Variants in RADIL observed in about 807,000 individuals in gnomAD.
RADIL encodes Rap associating with DIL domain.
A neutral mutation model predicts 97.6 loss-of-function variants in RADIL; 99 were observed. That is an observed-to-expected ratio of 1.01 (90% confidence interval 0.86 to 1.20). The LOEUF is 1.20. RADIL is among the 50% of genes most tolerant of loss of function. The pLI is 0.00. For missense variants in RADIL, 1,765 were observed against 1,498.9 expected, an observed-to-expected ratio of 1.18 and a Z score of -2.93; for synonymous variants, 803 against 691.8, an observed-to-expected ratio of 1.16 and a Z score of -2.52.
chr7:4,822,046 C>T lies in RADIL; in HGVS notation c.1615+348G>A, dbSNP rs1782847701. 6.6e-6 allele frequency among the ~76,000 whole-genome samples: 1 copy of T among 152,106 alleles called. No homozygotes were observed. The highest frequency in any genetic ancestry group is 1.9e-4 in the East Asian group (1 of 5,168). On this transcript the variant is annotated intron_variant, in intron 6 of 14. Coordinates refer to ENST00000399583, the MANE Select transcript of RADIL (RefSeq NM_018059.5). This position sits in a 1 kb window ranked among gnomAD's most constrained non-coding sequence, Gnocchi z 5.3. ...CCTTACATTTGGTTCACGGTGGCAT[C>T]TGTGTCTCCCCTACTGAGTGATCTG...
At chr7:4,800,392 T>A in intron 12 of RADIL, 82 bp from the exon 13 acceptor site, 3 of 1,351,918 alleles carry the variant, frequency 2.2e-6, no homozygotes, top group Non-Finnish European at 2.9e-6. Context: ...CCTGGCTGCC[T>A]CTGTAGGGCG....
At chr7:4,882,311 C>T (rs1237412892) in intron 1 of RADIL, 1 of 152,240 alleles carries the variant, frequency 6.6e-6, no homozygotes, top group Non-Finnish European at 1.5e-5. Flanking sequence ...GCGGAGCACG[C>T]CCTGGGTAAC....
chr7:4,861,742 G>C (rs748410274), intron 2 of RADIL: 3 of 1,513,770 alleles, frequency 2.0e-6, no homozygotes, highest in Non-Finnish European at 2.6e-6. Flanking sequence ...TAGGCGAGGA[G>C]ACGCCGTAGC....
At position 4,834,435 on chromosome 7, in the gene RADIL, G is replaced by A. The variant is rs1783234668; in HGVS notation, c.1416+172C>T. Among the ~76,000 whole-genome samples the A allele has an allele frequency of 6.6e-6, 1 of 152,168 alleles. No homozygotes were observed. ...TTGGGTTCTGGGGCTGCTTCTGGTG[G>A]CCTGTGGGGCTGGGGGGCAGCGACA... On this transcript the variant is annotated intron_variant, in intron 4 of 14. Coordinates refer to ENST00000399583, the MANE Select transcript of RADIL (RefSeq NM_018059.5). This position sits in a 1 kb window ranked among gnomAD's most constrained non-coding sequence, Gnocchi z 6.0.
chr7:4,844,369 C>G (rs1006050801), intron 2 of RADIL, among the ~76,000 whole-genome samples: 1 of 151,236 alleles, frequency 6.6e-6, no homozygotes, highest in Non-Finnish European at 1.5e-5. Flanking sequence ...TGCTTGAACC[C>G]GAGAGGCAGA....
intron 9 of RADIL, among the ~76,000 whole-genome samples, chr7:4,810,433 T>G (rs1782507944): frequency 6.6e-6 from 1 of 152,210 alleles, no homozygotes; most frequent in South Asian, 2.1e-4. Flanking sequence ...CCTCCCAAAG[T>G]GCCCAGCCGA....
chr7:4,839,111 C>A (rs977101525), intron 2 of RADIL, among the ~76,000 whole-genome samples: 2 of 152,222 alleles, frequency 1.3e-5, no homozygotes, highest in African/African-American at 4.8e-5. Context: ...AAAGAGCAAG[C>A]TACAGGTAAC....
chr7:4,803,600 G>A lies in RADIL; in HGVS notation c.2445C>T (p.Ser815=). ...TGCCAGGCCTGCCAGGGCTGCCGGG[G>A]CTGGCTCTGCTCCGCAGACCCCACA... ...HFLWGLRSRA[S]PGSPGRPGSG... The change falls in exon 11 of 15, where the codon AGC becomes AGT. Residue 815 remains serine (S), a synonymous_variant. Transcript: ENST00000399583. The A allele has an allele frequency of 6.5e-7, 1 of 1,547,608 alleles. No homozygotes were observed. Among genetic ancestry groups the A allele is most frequent in the Non-Finnish European group, 8.7e-7 (1 of 1,145,980 alleles).
At position 4,835,062 on chromosome 7, in the gene RADIL, G is replaced by T. The variant is rs754936589; in HGVS notation, c.961C>A (p.Pro321Thr). ...AAGTTGACGGAGATGTGCGCCCCGGGGATGGGCTCCAGGACCAGCCTCCCC... is the reference window on the plus strand; with the variant it reads ...AAGTTGACGGAGATGTGCGCCCCGGTGATGGGCTCCAGGACCAGCCTCCCC... ...AAGRLVLEPIPGAHISVNFSE... is the reference protein window; with the variant it reads ...AAGRLVLEPITGAHISVNFSE... The change falls in exon 4 of 15, where the codon CCC becomes ACC. Residue 321 changes from proline to threonine, a missense_variant. Transcript: ENST00000399583. This position sits in a 1 kb window ranked among gnomAD's most constrained non-coding sequence, Gnocchi z 5.8. The T allele has an allele frequency of 1.5e-5, 24 of 1,608,232 alleles. No individual in the cohort carries two copies. The South Asian group carries it at 2.3e-4, about 16-fold the overall frequency.
In RADIL at chr7:4,842,062, A is replaced by T. The variant is rs1243554128; in HGVS notation, c.536-5457T>A. Among the ~76,000 whole-genome samples, 1 of 152,018 alleles carries T rather than the reference A, an allele frequency of 6.6e-6. No individual in the cohort carries two copies. Among genetic ancestry groups the T allele is most frequent in the Non-Finnish European group, 1.5e-5 (1 of 67,988 alleles). Reference sequence around the variant, plus strand: ...AGAGCAAGACCCTGTCTCCAAAAAAAAAAAAAGATGCAACAAGGCCAGAGG... The same window carrying T: ...AGAGCAAGACCCTGTCTCCAAAAAATAAAAAAGATGCAACAAGGCCAGAGG... On this transcript the variant is annotated intron_variant, in intron 2 of 14. Coordinates refer to ENST00000399583, the MANE Select transcript of RADIL (RefSeq NM_018059.5). This position sits in a 1 kb window ranked among gnomAD's most constrained non-coding sequence, Gnocchi z 4.5.
chr7:4,839,954 G>A (rs770124228), intron 2 of RADIL, among the ~76,000 whole-genome samples: 10 of 152,140 alleles, frequency 6.6e-5, no homozygotes, highest in Non-Finnish European at 1.5e-4. Flanking sequence ...TCACCGTCTT[G>A]GACAGGCTGG....
chr7:4,850,352 G>C (rs1783679194), intron 2 of RADIL, among the ~76,000 whole-genome samples: 1 of 151,790 alleles, frequency 6.6e-6, no homozygotes, highest in African/African-American at 2.4e-5. Flanking sequence ...AGAATTCTAA[G>C]ATGGCTCCAT....
In RADIL at chr7:4,815,111, G is replaced by A. The variant is rs1454523975; in HGVS notation, c.2139+167C>T. Among the ~76,000 whole-genome samples, 3 of 152,168 alleles carry A rather than the reference G, an allele frequency of 2.0e-5. No individual in the cohort carries two copies. Among genetic ancestry groups the A allele is most frequent in the Non-Finnish European group, 4.4e-5 (3 of 68,024 alleles). ...GGCCATTATCCTGTCTACCGCAGGTGGACACAGCCATGGAATGGAAGCAAC... is the reference window on the plus strand; with the variant it reads ...GGCCATTATCCTGTCTACCGCAGGTAGACACAGCCATGGAATGGAAGCAAC... On this transcript the variant is annotated intron_variant, in intron 9 of 14. Coordinates refer to ENST00000399583, the MANE Select transcript of RADIL (RefSeq NM_018059.5). This position sits in a 1 kb window ranked among gnomAD's most constrained non-coding sequence, Gnocchi z 8.0.
At chr7:4,800,825 A>C (rs116251677) in intron 12 of RADIL, among the ~76,000 whole-genome samples, 2,301 of 152,252 alleles carry the variant, frequency 0.015, 54 homozygotes, top group African/African-American at 0.052. Flanking sequence ...TGAGCTGTGC[A>C]CCTGAGCAAG....
chr7:4,843,887 G>A (rs112154868), intron 2 of RADIL, among the ~76,000 whole-genome samples: 7,497 of 144,202 alleles, frequency 0.052, 634 homozygotes, highest in African/African-American at 0.18. Flanking sequence ...ACTCCAGCCT[G>A]GGTGACAGAG....
Position 4,819,174 on chromosome 7 carries a change from C to T in RADIL, c.1616-1823G>A, listed in dbSNP as rs543121639. Among the ~76,000 whole-genome samples, 21 of 151,632 alleles carry T rather than the reference C, an allele frequency of 1.4e-4. No homozygotes were observed. The highest frequency in any genetic ancestry group is 2.9e-4 in the Non-Finnish European group (20 of 67,970). ...GCAGCCTCAGCTTTCCAGGTTCAAG[C>T]GATTCTCCTGCCTCAGCCTCCCAAG... is the stretch of plus-strand genomic sequence containing the variant. On this transcript the variant is annotated intron_variant, in intron 6 of 14. Coordinates refer to ENST00000399583, the MANE Select transcript of RADIL (RefSeq NM_018059.5). The surrounding 1 kb of genome is among the most constrained non-coding windows in gnomAD (Gnocchi z 5.8).
rs572051524 is a variant in RADIL, at chr7:4,805,595, G to A, written c.2261C>T (p.Ala754Val). 3.7e-6 allele frequency: 6 copies of A among 1,611,330 alleles called. No homozygotes were observed. Among genetic ancestry groups the A allele is most frequent in the Admixed American group, 3.3e-5 (2 of 59,998 alleles). The change falls in exon 10 of 15, where the codon GCC becomes GTC. Residue 754 changes from alanine to valine, a missense_variant. Coordinates refer to ENST00000399583, the MANE Select transcript of RADIL (RefSeq NM_018059.5). The stretch of plus-strand genomic sequence containing the variant: ...CCTGAAGGCCTCGGGGCTGTCCTGG[G>A]CCCCTGGCTCCCAGGTGCTCATGGG... ...MGPMSTWEPG[A>V]QDSPEAFRSE... is the part of the protein sequence containing the mutation.
chr7:4,838,050 G>GT, intron 2 of RADIL: 1 of 985,476 alleles, frequency 1.0e-6, no homozygotes, highest in Non-Finnish European at 1.2e-6. Context: ...CCGGCAGCCT[G>GT]TGCATCTGCA....
rs919797641 is a variant in RADIL at position 4,879,020 on chromosome 7, C to G, written c.-64-817G>C. Among the ~76,000 whole-genome samples the G allele has an allele frequency of 5.3e-5, 8 of 152,232 alleles. No individual in the cohort carries two copies. Among genetic ancestry groups the G allele is most frequent in the African/African-American group, 1.9e-4 (8 of 41,464 alleles). ...AGACACAAACCCCCAGAATCTACCCCTCAGGGCAAGAGACCCGTCCTGGCT... is the reference window on the plus strand; with the variant it reads ...AGACACAAACCCCCAGAATCTACCCGTCAGGGCAAGAGACCCGTCCTGGCT... On this transcript the variant is annotated intron_variant, in intron 1 of 14. Coordinates refer to ENST00000399583, the MANE Select transcript of RADIL (RefSeq NM_018059.5). The surrounding 1 kb of genome is among the most constrained non-coding windows in gnomAD (Gnocchi z 4.1).
Sources: gnomAD v4.1 joint callset for allele counts (sites outside exome capture counted in the v4.1 genomes callset) on GRCh38, gnomAD v4.1.1 for gene constraint, Gnocchi (gnomAD v3.1) non-coding constraint, MANE v1.5 for transcripts, NCBI Gene and HGNC (gene_info 2026-07-23, HGNC 2026-07-21) for gene names.